The following GOT2 variants were observed in gnomAD, a reference collection of about 807,000 sequenced individuals.
GOT2 encodes the protein glutamic-oxaloacetic transaminase 2, also known as aspartate aminotransferase, mitochondrial.
Under a neutral mutation model 50.0 loss-of-function variants are expected in GOT2, and 17 were observed. The ratio of observed to expected loss-of-function variants is 0.34; its 90% CI spans 0.23 to 0.51. The LOEUF is 0.51. GOT2 is among the 20% of genes least tolerant of loss of function. GOT2 has a pLI of 0.97. For synonymous variants in GOT2, 172 were observed against 204.9 expected (o/e 0.84, Z 1.37); for missense variants, 430 against 559.6 (o/e 0.77, Z 2.34).
chr16:58,715,791 A>T (rs2044687175), intron 8 of GOT2, among the ~76,000 whole-genome samples: 1 of 152,134 alleles, frequency 6.6e-6, no homozygotes, highest in Non-Finnish European at 1.5e-5. Flanking sequence ...ACCTCAGGTG[A>T]TCCACCTGCC....
chr16:58,729,279 C>G (rs1323710073), intron 1 of GOT2, among the ~76,000 whole-genome samples: 3 of 148,822 alleles, frequency 2.0e-5, no homozygotes. Context: ...ACATCACTGT[C>G]ATTAACTGCC....
At position 58,734,301 on chromosome 16, in the gene GOT2, G is replaced by A. The variant is rs1029463415; in HGVS notation, c.-73C>T. 9.9e-6 allele frequency: 8 copies of A among 809,964 alleles called. No individual in the cohort carries two copies. The highest frequency in any genetic ancestry group is 1.3e-5 in the Non-Finnish European group (8 of 593,476). The allele number at this position is 809,964 out of a possible 1,614,324, so 50.2% of individuals were successfully genotyped here. On this transcript the variant is annotated 5_prime_UTR_variant, in exon 1 of 10. Transcript: ENST00000245206. Reference sequence around the variant, plus strand: ...CGAGCGGACACACACACAGGGAACCGGCTCCTGCTGAAGGTAAGGACAGGG... The same window carrying A: ...CGAGCGGACACACACACAGGGAACCAGCTCCTGCTGAAGGTAAGGACAGGG...
intron 3 of GOT2, among the ~76,000 whole-genome samples, chr16:58,720,148 G>C (rs2044729705): frequency 6.6e-6 from 1 of 152,244 alleles, no homozygotes; most frequent in South Asian, 2.1e-4. Context: ...GTTGCGTTGA[G>C]CTGAGATCGT....
At chr16:58,720,448 G>A (rs1472812236) in intron 3 of GOT2, among the ~76,000 whole-genome samples, 2 of 152,104 alleles carry the variant, frequency 1.3e-5, no homozygotes, top group Non-Finnish European at 2.9e-5. Context: ...GACTGGGGTG[G>A]TAGTAGATTA....
chr16:58,715,340 C>T (rs115256686), intron 8 of GOT2, among the ~76,000 whole-genome samples: 2,989 of 152,214 alleles, frequency 0.02, 97 homozygotes, highest in African/African-American at 0.067. Context: ...ACGGAGATGA[C>T]GGAATAAAAG....
intron 1 of GOT2, 31 bp downstream of exon 1, chr16:58,734,109 C>T: frequency 1.6e-6 from 2 of 1,262,934 alleles, no homozygotes; most frequent in Non-Finnish European, 2.0e-6. Context: ...GGGCCATCGC[C>T]CTGGCTCCAT....
intron 1 of GOT2, among the ~76,000 whole-genome samples, chr16:58,727,380 TA>T (rs1171686361): frequency 4.0e-5 from 6 of 151,246 alleles, no homozygotes; most frequent in African/African-American, 7.3e-5. Flanking sequence ...TTTTTTTTTT[TA>T]AAAAAAGAAA....
intron 8 of GOT2, among the ~76,000 whole-genome samples, chr16:58,712,254 A>G (rs1310678523): frequency 1.3e-5 from 2 of 152,104 alleles, no homozygotes; most frequent in East Asian, 3.9e-4. Context: ...GCTCACGTCT[A>G]TAATCCTAGC....
intron 9 of GOT2, among the ~76,000 whole-genome samples, chr16:58,708,826 G>A (rs2044622989): frequency 6.8e-6 from 1 of 148,064 alleles, no homozygotes; most frequent in South Asian, 2.2e-4. Flanking sequence ...TGAGTTCATG[G>A]GGGATACAGA....
intron 1 of GOT2, among the ~76,000 whole-genome samples, chr16:58,727,592 C>A (rs1048177519): frequency 3.3e-5 from 5 of 152,078 alleles, no homozygotes; most frequent in African/African-American, 1.2e-4. Context: ...AGGCTGGGCA[C>A]TGCAGGGAGA....
At chr16:58,714,785 A>G (rs2152094367) in intron 8 of GOT2, among the ~76,000 whole-genome samples, 1 of 152,254 alleles carries the variant, frequency 6.6e-6, no homozygotes, top group South Asian at 2.1e-4. Context: ...TCTGGAAGAC[A>G]GTTTCAGTTA....
chr16:58,731,333 C>T (rs1290344190), intron 1 of GOT2, among the ~76,000 whole-genome samples: 2 of 151,970 alleles, frequency 1.3e-5, no homozygotes, highest in Admixed American at 6.6e-5. Flanking sequence ...TATGTAGAGA[C>T]GGGGTCTTGC....
chr16:58,728,112 T>G (rs2044802257), intron 1 of GOT2, among the ~76,000 whole-genome samples: 1 of 152,206 alleles, frequency 6.6e-6, no homozygotes, highest in East Asian at 1.9e-4. Context: ...GCAGTCTCAA[T>G]CGTTGTAATT....
In GOT2 at chr16:58,716,653, T is replaced by C; in HGVS notation, c.853+10A>G. Reference sequence around the variant, plus strand: ...TGAGAGCATGTGTCATGCTGGATGCTGTAGCTTACCATATAAGCCCATGTT... The same window carrying C: ...TGAGAGCATGTGTCATGCTGGATGCCGTAGCTTACCATATAAGCCCATGTT... On this transcript the variant is annotated intron_variant, in intron 7 of 9. Transcript: ENST00000245206. The C allele has an allele frequency of 6.2e-7, 1 of 1,612,494 alleles. No homozygotes were observed. Among genetic ancestry groups the C allele is most frequent in the East Asian group, 2.2e-5 (1 of 44,878 alleles).
At chr16:58,720,805 C>T (rs1045537710) in intron 3 of GOT2, among the ~76,000 whole-genome samples, 31 of 152,044 alleles carry the variant, frequency 2.0e-4, no homozygotes, top group African/African-American at 7.2e-4. Context: ...AGGCTGGTCT[C>T]GAACTCCTGA....
At chr16:58,733,846 G>C in intron 1 of GOT2, 1 of 351,524 alleles carries the variant, frequency 2.8e-6, no homozygotes, top group Non-Finnish European at 5.1e-6. Context: ...ATGGGAGTCC[G>C]GCAACCGCCG....
intron 1 of GOT2, among the ~76,000 whole-genome samples, chr16:58,730,153 C>T (rs1204789666): frequency 6.6e-6 from 1 of 152,090 alleles, no homozygotes; most frequent in Non-Finnish European, 1.5e-5. Flanking sequence ...TGTTGAAACT[C>T]TGGGGGAAAG....
chr16:58,733,118 A>T (rs182607717), intron 1 of GOT2, among the ~76,000 whole-genome samples: 50 of 152,324 alleles, frequency 3.3e-4, no homozygotes, highest in Non-Finnish European at 5.4e-4. Flanking sequence ...TTTAAAACTC[A>T]GTTCCTTATT....
intron 8 of GOT2, among the ~76,000 whole-genome samples, chr16:58,711,923 C>G (rs987085701): frequency 3.3e-5 from 5 of 152,116 alleles, no homozygotes; most frequent in African/African-American, 1.2e-4. Flanking sequence ...CGATCTGCTC[C>G]ACCTTCTCAG....
Sources: allele counts gnomAD v4.1 joint callset (sites outside exome capture counted in the v4.1 genomes callset), GRCh38; gene constraint gnomAD v4.1.1; transcripts MANE v1.5; gene names NCBI Gene and HGNC (gene_info 2026-07-23, HGNC 2026-07-21).